RERE: variants seen among roughly 807,000 people sequenced by gnomAD.
The protein encoded by RERE is arginine-glutamic acid dipeptide repeats protein.
Under a neutral mutation model 146.1 loss-of-function variants are expected in RERE, and 40 were observed. That is an observed-to-expected ratio of 0.27 (90% CI 0.21 to 0.36). The LOEUF (loss-of-function observed/expected upper bound fraction) is 0.36. RERE is among the 10% of genes least tolerant of loss of function. RERE has a pLI of 1.00. For missense variants in RERE, 1,933 were observed against 2,138.7 expected, an observed-to-expected ratio of 0.90 and a Z score of 1.90; for synonymous variants, 1,003 against 866.0, an observed-to-expected ratio of 1.16 and a Z score of -2.78.
At chr1:8,764,399 A>G (rs927170529) in intron 1 of RERE, among the ~76,000 whole-genome samples, 13 of 152,220 alleles carry the variant, frequency 8.5e-5, no homozygotes, top group African/African-American at 3.1e-4. Flanking sequence ...TCCAAGACAG[A>G]ATTTTTTTCT....
At chr1:8,750,004 T>C (rs2124514942) in intron 1 of RERE, among the ~76,000 whole-genome samples, 1 of 151,840 alleles carries the variant, frequency 6.6e-6, no homozygotes, top group South Asian at 2.1e-4. Flanking sequence ...ATACAAAAAT[T>C]AACCAGGCGT....
intron 1 of RERE, among the ~76,000 whole-genome samples, chr1:8,766,646 G>T (rs1247608304): frequency 1.3e-5 from 2 of 151,586 alleles, no homozygotes; most frequent in African/African-American, 2.4e-5. Flanking sequence ...ACAGGAAAAA[G>T]AAACAATACT....
chr1:8,430,832 A>G (rs1024832544), intron 11 of RERE, among the ~76,000 whole-genome samples: 5 of 152,198 alleles, frequency 3.3e-5, no homozygotes, highest in Non-Finnish European at 7.3e-5. Context: ...AGGTAAATTA[A>G]ATCTCCTGGC....
At chr1:8,668,505 C>T (rs991166108) in intron 1 of RERE, among the ~76,000 whole-genome samples, 5 of 152,190 alleles carry the variant, frequency 3.3e-5, no homozygotes, top group African/African-American at 1.2e-4. Context: ...GAAAAGAATC[C>T]CTAAACTCAC....
At chr1:8,688,139 C>G (rs1639131583) in intron 1 of RERE, among the ~76,000 whole-genome samples, 1 of 152,192 alleles carries the variant, frequency 6.6e-6, no homozygotes, top group African/African-American at 2.4e-5. Context: ...CACAACTATT[C>G]CATTTTTCAC....
intron 1 of RERE, among the ~76,000 whole-genome samples, chr1:8,810,808 A>G (rs1641791519): frequency 6.6e-6 from 1 of 152,164 alleles, no homozygotes; most frequent in Non-Finnish European, 1.5e-5. Context: ...GCTCATGTGC[A>G]TTATAAACGT....
chr1:8,435,480 C>T (rs751688284), intron 11 of RERE, among the ~76,000 whole-genome samples: 4 of 152,202 alleles, frequency 2.6e-5, no homozygotes, highest in Non-Finnish European at 5.9e-5. Flanking sequence ...TATATATTCA[C>T]TGCACTGTTA....
intron 1 of RERE, among the ~76,000 whole-genome samples, chr1:8,815,650 A>G (rs74050294): frequency 0.026 from 3,933 of 152,292 alleles, 159 homozygotes; most frequent in African/African-American, 0.089. Context: ...ACAAGGTTGC[A>G]AAAACGGCCA....
chr1:8,686,875 G>A (rs1453347026), intron 1 of RERE, among the ~76,000 whole-genome samples: 3 of 152,172 alleles, frequency 2.0e-5, no homozygotes, highest in Non-Finnish European at 2.9e-5. Context: ...ACTCGAAAGC[G>A]GGACGGTGAG....
intron 1 of RERE, among the ~76,000 whole-genome samples, chr1:8,805,008 G>GTTTTTTTTTTTTTTTTT (rs1186832596): frequency 3.9e-5 from 3 of 77,862 alleles, no homozygotes; most frequent in Admixed American, 1.8e-4. Flanking sequence ...TTTGTTTTTG[G>GTTTTTTTTTTTTTTTTT]TTTTTTTTTT....
intron 22 of RERE, 36 bp downstream of exon 22, chr1:8,355,383 A>G (rs377674709): frequency 1.2e-6 from 2 of 1,602,876 alleles, no homozygotes; most frequent in Non-Finnish European, 8.5e-7. Context: ...CTGGGCTCAG[A>G]TAACCCCTCC....
At chr1:8,426,367 T>A (rs866381241) in intron 11 of RERE, among the ~76,000 whole-genome samples, 4 of 148,106 alleles carry the variant, frequency 2.7e-5, no homozygotes, top group Non-Finnish European at 5.9e-5. Context: ...GGCAGGAGAA[T>A]GGCGTCAACC....
chr1:8,641,173 A>G (rs932450788), intron 2 of RERE, among the ~76,000 whole-genome samples: 3 of 152,210 alleles, frequency 2.0e-5, no homozygotes, highest in South Asian at 2.1e-4. Context: ...TCTGTCAAGA[A>G]AAAGAGCCAA....
intron 5 of RERE, among the ~76,000 whole-genome samples, chr1:8,557,052 G>A (rs1342644293): frequency 1.3e-5 from 2 of 150,774 alleles, no homozygotes; most frequent in Admixed American, 6.6e-5. Context: ...AAAAAAAACA[G>A]AAAGATAAAA....
At chr1:8,444,518 G>A (rs769361263) in intron 11 of RERE, among the ~76,000 whole-genome samples, 17 of 152,150 alleles carry the variant, frequency 1.1e-4, no homozygotes, top group Non-Finnish European at 2.2e-4. Context: ...TTTGTAATGT[G>A]AGAAGGACAT....
At chr1:8,417,909 A>C (rs1242316614) in intron 12 of RERE, among the ~76,000 whole-genome samples, 1 of 152,164 alleles carries the variant, frequency 6.6e-6, no homozygotes, top group Non-Finnish European at 1.5e-5. Context: ...TATGGCTGGA[A>C]AGTTGCTTTT....
At chr1:8,494,503 GATC>G (rs1645020087) in intron 10 of RERE, among the ~76,000 whole-genome samples, 1 of 152,066 alleles carries the variant, frequency 6.6e-6, no homozygotes, top group East Asian at 1.9e-4. Context: ...GAGGTGGGAG[GATC>G]ACAAGGTCAG....
intron 1 of RERE, among the ~76,000 whole-genome samples, chr1:8,755,976 T>C (rs6704204): frequency 0.026 from 3,894 of 152,056 alleles, 140 homozygotes; most frequent in African/African-American, 0.089. Context: ...AAAAGGGCTA[T>C]TATAAAGGAA....
At position 8,557,037 on chromosome 1, in the gene RERE, G is replaced by GA. The variant is rs1046532585; in HGVS notation, c.628+380dup. ...AGGTTTTTTTATAGTTTCAAAGAAG[G>GA]AAAAAAAAAAAACAGAAAGATAAAA... On this transcript the variant is annotated intron_variant, in intron 5 of 22. Transcript: ENST00000400908. 4.6e-3 allele frequency among the ~76,000 whole-genome samples: 626 copies of GA among 136,254 alleles called. 3 individuals carry two copies. The highest frequency in any genetic ancestry group is 0.011 in the African/African-American group (403 of 37,246). The allele number at this position is 136,254 out of a possible 152,430, so 89.4% of individuals were successfully genotyped here. A position where few individuals can be genotyped will look rare whatever the true frequency, so the allele number is the denominator to read the frequency against.
Sources: allele counts gnomAD v4.1 joint callset (sites outside exome capture counted in the v4.1 genomes callset), GRCh38; gene constraint gnomAD v4.1.1; transcripts MANE v1.5; gene names NCBI Gene and HGNC (gene_info 2026-07-23, HGNC 2026-07-21).